GABRG3: variants seen among roughly 807,000 people sequenced by gnomAD.
The protein encoded by GABRG3 is gamma-aminobutyric acid receptor subunit gamma-3.
Under a neutral mutation model 48.8 loss-of-function variants are expected in GABRG3, and 25 were observed. The ratio of observed to expected loss-of-function variants is 0.51; its 90% CI spans 0.37 to 0.72. The LOEUF (loss-of-function observed/expected upper bound fraction) is 0.72, where lower values mean the gene tolerates loss of function less well. Among genes scored for constraint, GABRG3 ranks in the 30% least tolerant of loss-of-function variants. The pLI, the probability that GABRG3 is intolerant of heterozygous loss-of-function variation, is 0.00. For synonymous variants in GABRG3, 227 were observed against 217.6 expected (o/e 1.04, Z -0.38); for missense variants, 394 against 577.9 (o/e 0.68, Z 3.26).
intron 3 of GABRG3, among the ~76,000 whole-genome samples, chr15:27,052,931 T>A (rs1452363795): frequency 6.6e-6 from 1 of 152,132 alleles, no homozygotes; most frequent in Non-Finnish European, 1.5e-5. Flanking sequence ...CTCTGTTCAG[T>A]AAATAGTGCT....
At chr15:27,245,447 A>G (rs1452344826) in intron 3 of GABRG3, among the ~76,000 whole-genome samples, 2 of 152,204 alleles carry the variant, frequency 1.3e-5, no homozygotes, top group East Asian at 3.8e-4. Context: ...AGTTGTTGAA[A>G]TTATTGAGAA....
chr15:27,463,139 G>A (rs1889499178), intron 5 of GABRG3, among the ~76,000 whole-genome samples: 2 of 151,818 alleles, frequency 1.3e-5, no homozygotes, highest in Admixed American at 6.6e-5. Flanking sequence ...TAATACATAA[G>A]GTTTAACAGA....
chr15:27,317,693 C>A (rs1893278932), intron 3 of GABRG3, among the ~76,000 whole-genome samples: 1 of 152,342 alleles, frequency 6.6e-6, no homozygotes, highest in East Asian at 1.9e-4. Context: ...TGACCAACTT[C>A]ACGCTGGTGA....
chr15:26,980,152 T>A (rs1324153684), intron 2 of GABRG3, among the ~76,000 whole-genome samples: 1 of 152,200 alleles, frequency 6.6e-6, no homozygotes, highest in East Asian at 1.9e-4. Flanking sequence ...CTGTAGGACC[T>A]ATAATAATAT....
chr15:27,433,251 G>A (rs1268678216), intron 5 of GABRG3, among the ~76,000 whole-genome samples: 1 of 152,234 alleles, frequency 6.6e-6, no homozygotes. Flanking sequence ...TATTACTCCT[G>A]TAACAAACTA....
chr15:27,401,715 T>A (rs1456462964), intron 5 of GABRG3, among the ~76,000 whole-genome samples: 1 of 152,204 alleles, frequency 6.6e-6, no homozygotes, highest in Non-Finnish European at 1.5e-5. Flanking sequence ...TTAACTGTGT[T>A]CTCTAAGGAG....
At chr15:27,478,868 T>G (rs545859770) in intron 5 of GABRG3, among the ~76,000 whole-genome samples, 1 of 152,336 alleles carries the variant, frequency 6.6e-6, no homozygotes, top group South Asian at 2.1e-4. Context: ...TTGAACACAT[T>G]ATGCTAAGTG....
rs1318387976 is a variant in GABRG3, at chr15:26,977,067, C to T, written c.119C>T (p.Pro40Leu). 4 of 1,613,846 alleles carry T rather than the reference C, an allele frequency of 2.5e-6. No individual in the cohort carries two copies. The highest frequency in any genetic ancestry group is 3.4e-6 in the Non-Finnish European group (4 of 1,179,792). ...SSSNQKWVLA[P>L]KSQDTDVTLI... ...TCAAACCAAAAGTGGGTCTTGGCTCCAAAATCCCAAGACACCGACGTGACT... is the reference window on the plus strand; with the variant it reads ...TCAAACCAAAAGTGGGTCTTGGCTCTAAAATCCCAAGACACCGACGTGACT... The change falls in exon 2 of 10, where the codon CCA becomes CTA. Residue 40 changes from proline (P) to leucine (L), a missense_variant. By Grantham distance (98) the Pro-to-Leu change is moderately conservative (BLOSUM62 -3). Transcript: ENST00000615808.
chr15:27,431,359 A>G (rs553536017), intron 5 of GABRG3, among the ~76,000 whole-genome samples: 1 of 152,154 alleles, frequency 6.6e-6, no homozygotes, highest in Admixed American at 6.5e-5. Context: ...AATACAATTT[A>G]TTTTTGTATT....
intron 6 of GABRG3, among the ~76,000 whole-genome samples, chr15:27,510,483 A>T (rs75396856): frequency 0.036 from 5,518 of 152,136 alleles, 352 homozygotes; most frequent in African/African-American, 0.13. Flanking sequence ...TTCACAGGGG[A>T]CACAATGATG....
intron 3 of GABRG3, among the ~76,000 whole-genome samples, chr15:27,067,335 C>T (rs1227877381): frequency 1.3e-5 from 2 of 152,196 alleles, no homozygotes; most frequent in Admixed American, 6.5e-5. Context: ...GTTACATGGA[C>T]TTTGCCTCAC....
intron 3 of GABRG3, among the ~76,000 whole-genome samples, chr15:27,059,255 C>A (rs1896605249): frequency 6.6e-6 from 1 of 152,182 alleles, no homozygotes; most frequent in Non-Finnish European, 1.5e-5. Context: ...TCTACATTTC[C>A]TTTGGGGAGA....
At chr15:27,415,401 C>T (rs1887911759) in intron 5 of GABRG3, among the ~76,000 whole-genome samples, 1 of 152,142 alleles carries the variant, frequency 6.6e-6, no homozygotes, top group Non-Finnish European at 1.5e-5. Flanking sequence ...CTTAGAATTT[C>T]CATCTCTTTG....
chr15:27,538,179 C>T lies in GABRG3; in HGVS notation c.*5298C>T, dbSNP rs2150868871. On this transcript the variant is annotated 3_prime_UTR_variant, in exon 10 of 10. Coordinates refer to ENST00000615808, the MANE Select transcript of GABRG3 (RefSeq NM_033223.5). ...TTTAATGCCACCTAGCTGAATAATG[C>T]TTTGGGTTTTACTGTTGTCAATAAA... The T allele has an allele frequency of 6.6e-6, 1 of 152,298 alleles. No homozygotes were observed. The highest frequency in any genetic ancestry group is 6.5e-5 in the Admixed American group (1 of 15,300). 9.4% of individuals were successfully genotyped at this position (152,298 alleles called of 1,614,324 possible). A position where few individuals can be genotyped will look rare whatever the true frequency, so the allele number is the denominator to read the frequency against.
intron 3 of GABRG3, among the ~76,000 whole-genome samples, chr15:27,207,927 C>T (rs761274150): frequency 1.3e-5 from 2 of 152,148 alleles, no homozygotes; most frequent in Non-Finnish European, 2.9e-5. Context: ...CAAGGATGCC[C>T]TCCTTAGCAA....
Position 27,539,708 on chromosome 15 carries a change from C to T in GABRG3, c.*6827C>T, listed in dbSNP as rs1371414181. 1 of 152,228 alleles carries T rather than the reference C, an allele frequency of 6.6e-6. No individual in the cohort carries two copies. Among genetic ancestry groups the T allele is most frequent in the Non-Finnish European group, 1.5e-5 (1 of 68,066 alleles). 9.4% of individuals were successfully genotyped at this position (152,228 alleles called of 1,614,324 possible). A position where few individuals can be genotyped will look rare whatever the true frequency, so the allele number is the denominator to read the frequency against. On this transcript the variant is annotated 3_prime_UTR_variant, in exon 10 of 10. Transcript: ENST00000615808. ...CATGGGGAGATCAGGGTACCCACTC[C>T]TCTACGTAGCTTGGCAGACCCAGAC...
intron 3 of GABRG3, among the ~76,000 whole-genome samples, chr15:27,248,256 A>G (rs1185932313): frequency 6.6e-6 from 1 of 152,118 alleles, no homozygotes; most frequent in African/African-American, 2.4e-5. Context: ...TTTCAAAAGG[A>G]CCTCGCGCCC....
intron 5 of GABRG3, among the ~76,000 whole-genome samples, chr15:27,450,208 A>AT (rs1264033103): frequency 2.0e-5 from 3 of 152,162 alleles, no homozygotes; most frequent in South Asian, 2.1e-4. Flanking sequence ...TCCTGCCGTC[A>AT]TTTTTTTCGT....
At chr15:27,056,794 GT>G (rs1293458697) in intron 3 of GABRG3, among the ~76,000 whole-genome samples, 1 of 152,174 alleles carries the variant, frequency 6.6e-6, no homozygotes, top group Non-Finnish European at 1.5e-5. Flanking sequence ...AATGGAACTC[GT>G]TTGTAGGGTA....
Sources: gnomAD v4.1 joint callset for allele counts (sites outside exome capture counted in the v4.1 genomes callset) on GRCh38, gnomAD v4.1.1 for gene constraint, MANE v1.5 for transcripts, NCBI Gene and HGNC (gene_info 2026-07-23, HGNC 2026-07-21) for gene names.